The following SLC66A2 variants were observed in gnomAD, a reference collection of about 807,000 sequenced individuals.
The protein encoded by SLC66A2 is solute carrier family 66 member 2, also known as PQ loop repeat containing 1.
Under a neutral mutation model 25.5 loss-of-function variants are expected in SLC66A2, and 23 were observed. The observed-to-expected ratio is 0.90, with a 90% CI of 0.65 to 1.28. The LOEUF (loss-of-function observed/expected upper bound fraction) is 1.28. SLC66A2 is among the 50% of genes most tolerant of loss of function. SLC66A2 has a pLI of 0.00. For missense variants in SLC66A2, 396 were observed against 373.1 expected, an observed-to-expected ratio of 1.06 and a Z score of -0.51; for synonymous variants, 193 against 166.5, an observed-to-expected ratio of 1.16 and a Z score of -1.23.
intron 3 of SLC66A2, among the ~76,000 whole-genome samples, chr18:79,942,345 A>G (rs766357582): frequency 7.2e-5 from 11 of 152,220 alleles, no homozygotes; most frequent in Non-Finnish European, 1.5e-4. Flanking sequence ...CCCAGGTCAC[A>G]CTGGCTGGAG....
In SLC66A2 at chr18:79,914,598, C is replaced by T. The variant is rs544668694; in HGVS notation, c.608+4586G>A. Among the ~76,000 whole-genome samples the T allele has an allele frequency of 5.9e-5, 9 of 152,304 alleles. No individual in the cohort carries two copies. The East Asian group carries it at 9.7e-4, about 16-fold the overall frequency. On this transcript the variant is annotated intron_variant, in intron 5 of 5. Transcript: ENST00000397778. ...CCTTGCCCAAGCTGCGTCTGGAGAGCGAGTGGAACCCAGGCCGGGGAGGGC... is the reference window on the plus strand; with the variant it reads ...CCTTGCCCAAGCTGCGTCTGGAGAGTGAGTGGAACCCAGGCCGGGGAGGGC...
intron 5 of SLC66A2, among the ~76,000 whole-genome samples, chr18:79,916,986 G>A (rs551854806): frequency 3.9e-5 from 6 of 152,374 alleles, no homozygotes; most frequent in South Asian, 4.1e-4. Context: ...CCGCAGGACC[G>A]ACTGCCTGCT....
chr18:79,932,752 GACTT>G (rs1986696473), intron 4 of SLC66A2, among the ~76,000 whole-genome samples: 1 of 152,104 alleles, frequency 6.6e-6, no homozygotes, highest in African/African-American at 2.4e-5. Context: ...TACCAAAACT[GACTT>G]ACAAAGAAAC....
At position 79,904,458 on chromosome 18, in the gene SLC66A2, C is replaced by T. The variant is rs976343351; in HGVS notation, c.609-275G>A. On this transcript the variant is annotated intron_variant, in intron 5 of 5. Transcript: ENST00000397778. The surrounding 1 kb of genome is among the most constrained non-coding windows in gnomAD (Gnocchi z 6.3). ...CCCCACCTGTCCCATGCAACCCCCA[C>T]CCTTGACTTCTCTGTGGCCGCAAGA... 1.3e-5 allele frequency among the ~76,000 whole-genome samples: 2 copies of T among 152,122 alleles called. No individual in the cohort carries two copies. Among genetic ancestry groups the T allele is most frequent in the African/African-American group, 2.4e-5 (1 of 41,400 alleles).
chr18:79,917,737 C>T lies in SLC66A2; in HGVS notation c.608+1447G>A, dbSNP rs1984384521. Among the ~76,000 whole-genome samples, 2 of 152,116 alleles carry T rather than the reference C, an allele frequency of 1.3e-5. No individual in the cohort carries two copies. The highest frequency in any genetic ancestry group is 2.1e-4 in the South Asian group (1 of 4,832). On this transcript the variant is annotated intron_variant, in intron 5 of 5. Transcript: ENST00000397778. This position sits in a 1 kb window ranked among gnomAD's most constrained non-coding sequence, Gnocchi z 6.0. The stretch of plus-strand genomic sequence containing the variant: ...TTCCAGCCATGGACACCCTCTCGGG[C>T]CTCCATGCACCCTCGCCCGAGAAAC...
intron 4 of SLC66A2, among the ~76,000 whole-genome samples, chr18:79,923,251 TGGGTGGAGGACGGGGGGCCATGGACAGGC>T (rs1353916610): frequency 1.2e-4 from 1 of 8,632 alleles, no homozygotes. Context: ...CGTGGACGGG[TGGGTGGAGGACGGGGGGCCATGGACAGGC>T]GGGTGGTGGA....
At chr18:79,943,208 C>G in intron 3 of SLC66A2, 121 bp downstream of exon 3, 1 of 1,243,698 alleles carries the variant, frequency 8.0e-7, no homozygotes, top group Non-Finnish European at 1.1e-6. Flanking sequence ...CTGGAGATAA[C>G]AGCACCACTT....
Position 79,904,162 on chromosome 18 carries a change from C to CCACATGAG in SLC66A2, c.622_629dup (p.Trp210CysfsTer17). 1 of 1,612,938 alleles carries CCACATGAG rather than the reference C, an allele frequency of 6.2e-7. No homozygotes were observed. Among genetic ancestry groups the CCACATGAG allele is most frequent in the Non-Finnish European group, 8.5e-7 (1 of 1,179,792 alleles). The stretch of plus-strand genomic sequence containing the variant: ...CCGTCTTGAAGGCGTCACCACTGGT[C>CCACATGAG]CACATGAGCACCATCTTGATGCTGT... On this transcript the variant is annotated frameshift_variant, in exon 6 of 6. Coordinates refer to ENST00000397778, the MANE Select transcript of SLC66A2 (RefSeq NM_025078.5). LOFTEE classifies it high-confidence loss of function. This position sits in a 1 kb window ranked among gnomAD's most constrained non-coding sequence, Gnocchi z 6.3.
rs906248974 is a variant in SLC66A2, at chr18:79,917,958, A to C, written c.608+1226T>G. 6.6e-6 allele frequency among the ~76,000 whole-genome samples: 1 copy of C among 150,888 alleles called. No homozygotes were observed. The highest frequency in any genetic ancestry group is 2.4e-5 in the African/African-American group (1 of 40,926). ...ACCCCACACCCCAGCCCACACCTACACTTCACATCTGTGCCTATGTCCCAC... is the reference window on the plus strand; with the variant it reads ...ACCCCACACCCCAGCCCACACCTACCCTTCACATCTGTGCCTATGTCCCAC... On this transcript the variant is annotated intron_variant, in intron 5 of 5. Transcript: ENST00000397778. The surrounding 1 kb of genome is among the most constrained non-coding windows in gnomAD (Gnocchi z 6.0).
rs1987870927 is a variant in SLC66A2, at chr18:79,943,369, A to ACGGACCT, written c.290_296dup (p.Val100GlyfsTer19). 6.2e-7 allele frequency: 1 copy of ACGGACCT among 1,614,064 alleles called. No individual in the cohort carries two copies. The highest frequency in any genetic ancestry group is 8.5e-7 in the Non-Finnish European group (1 of 1,180,040). ...GCCTGGCGTTGAGCTCGTTGGCCACACGGACCTCGGTGCACAGCTTCAGCA... is the reference window on the plus strand; with the variant it reads ...GCCTGGCGTTGAGCTCGTTGGCCACACGGACCTCGGACCTCGGTGCACAGCTTCAGCA... On this transcript the variant is annotated frameshift_variant, in exon 3 of 6. Transcript: ENST00000397778. LOFTEE classifies it high-confidence loss of function.
rs1225365686 is a variant in SLC66A2, at chr18:79,902,660, C to T, written c.*1316G>A. The T allele has an allele frequency of 1.3e-5, 2 of 152,456 alleles. No homozygotes were observed. The highest frequency in any genetic ancestry group is 2.4e-5 in the African/African-American group (1 of 41,466). 9.4% of individuals were successfully genotyped at this position (152,456 alleles called of 1,614,324 possible). On this transcript the variant is annotated 3_prime_UTR_variant, in exon 6 of 6. Coordinates refer to ENST00000397778, the MANE Select transcript of SLC66A2 (RefSeq NM_025078.5). ...TCGAGGAGGAGGCAGCGTGGAACATCTTCCCATGGCCACGGCCCCGGCACA... is the reference window on the plus strand; with the variant it reads ...TCGAGGAGGAGGCAGCGTGGAACATTTTCCCATGGCCACGGCCCCGGCACA...
intron 5 of SLC66A2, among the ~76,000 whole-genome samples, chr18:79,910,475 A>G (rs1288177845): frequency 3.2e-5 from 4 of 124,470 alleles, no homozygotes; most frequent in African/African-American, 6.2e-5. Context: ...CTTCCCCACC[A>G]TCTCACAACA....
intron 2 of SLC66A2, among the ~76,000 whole-genome samples, chr18:79,946,065 C>A (rs2050914123): frequency 6.6e-6 from 1 of 152,228 alleles, no homozygotes; most frequent in South Asian, 2.1e-4. Context: ...TTAACAGAAG[C>A]AATGAATGAC....
chr18:79,932,767 A>T (rs1358769205), intron 4 of SLC66A2, among the ~76,000 whole-genome samples: 1 of 152,198 alleles, frequency 6.6e-6, no homozygotes, highest in African/African-American at 2.4e-5. Context: ...ACAAAGAAAC[A>T]AAAAATCTGA....
rs552706697 is a variant in SLC66A2, at chr18:79,943,318, C to A, written c.337+11G>T. 1.2e-6 allele frequency: 2 copies of A among 1,612,818 alleles called. No homozygotes were observed. Among genetic ancestry groups the A allele is most frequent in the South Asian group, 1.1e-5 (1 of 90,966 alleles). On this transcript the variant is annotated intron_variant, in intron 3 of 5. Coordinates refer to ENST00000397778, the MANE Select transcript of SLC66A2 (RefSeq NM_025078.5). ...TCCCTGCGACTTTATTCCGAAGCGC[C>A]GGCCACCAACCTGTAAAGGAGCGGC...
intron 2 of SLC66A2, among the ~76,000 whole-genome samples, chr18:79,946,907 GT>G (rs2050943746): frequency 6.6e-6 from 1 of 152,052 alleles, no homozygotes; most frequent in African/African-American, 2.4e-5. Context: ...GGTGGGTGCA[GT>G]GAGCCGAGAT....
chr18:79,934,781 G>C (rs1234316582), intron 3 of SLC66A2, among the ~76,000 whole-genome samples: 2 of 152,242 alleles, frequency 1.3e-5, no homozygotes, highest in Non-Finnish European at 2.9e-5. Flanking sequence ...TCAGAAAGCA[G>C]AAGTAGGATC....
At chr18:79,943,656 G>C (rs1987912058) in intron 2 of SLC66A2, 194 bp from the exon 3 acceptor site, 2 of 598,242 alleles carry the variant, frequency 3.3e-6, no homozygotes, top group Non-Finnish European at 5.7e-6. Context: ...CCTGCAGCGG[G>C]AGACACCTGG....
intron 4 of SLC66A2, among the ~76,000 whole-genome samples, 187 bp from the exon 5 acceptor site, chr18:79,919,587 C>T (rs1244121680): frequency 2.3e-3 from 14 of 5,976 alleles, no homozygotes; most frequent in African/African-American, 2.5e-3. Context: ...TGAGGAGAGA[C>T]GGGAACCGAG....
Sources: allele counts gnomAD v4.1 joint callset (sites outside exome capture counted in the v4.1 genomes callset), GRCh38; gene constraint gnomAD v4.1.1; non-coding constraint Gnocchi (gnomAD v3.1); transcripts MANE v1.5; gene names NCBI Gene and HGNC (gene_info 2026-07-23, HGNC 2026-07-21).